DLGAP1: variants seen among roughly 807,000 people sequenced by gnomAD.
The protein encoded by DLGAP1 is DLG associated protein 1.
A neutral mutation model predicts 90.8 loss-of-function variants in DLGAP1; 11 were observed. The observed-to-expected ratio is 0.12, with a 90% CI of 0.08 to 0.20. The LOEUF is 0.20. DLGAP1 is among the 10% of genes least tolerant of loss of function. The probability of loss-of-function intolerance (pLI) is 1.00; values close to 1 mark genes in which losing one functional copy is unlikely to be tolerated. For synonymous variants in DLGAP1, 558 were observed against 540.7 expected, an observed-to-expected ratio of 1.03 and a Z score of -0.44; for missense variants, 1,050 against 1,333.8, an observed-to-expected ratio of 0.79 and a Z score of 3.31.
intron 7 of DLGAP1, chr18:3,654,566 A>G (rs1321397384): frequency 6.6e-6 from 1 of 152,240 alleles, no homozygotes; most frequent in Non-Finnish European, 1.5e-5. Flanking sequence ...AACGGCCCAG[A>G]GTGAACCAAC....
chr18:4,099,288 CTGTCTATCATCT>C (rs1435311620), intron 2 of DLGAP1, among the ~76,000 whole-genome samples: 1 of 150,958 alleles, frequency 6.6e-6, no homozygotes, highest in Non-Finnish European at 1.5e-5. Flanking sequence ...ATCTATCTAT[CTGTCTATCATCT>C]ATCTATCTAT....
chr18:4,116,306 T>C (rs1166684763), intron 2 of DLGAP1, among the ~76,000 whole-genome samples: 1 of 152,244 alleles, frequency 6.6e-6, no homozygotes. Flanking sequence ...ATTTTGACTA[T>C]AATGTGTCCG....
chr18:3,839,544 A>C (rs889924829), intron 4 of DLGAP1, among the ~76,000 whole-genome samples: 8 of 152,162 alleles, frequency 5.3e-5, no homozygotes, highest in African/African-American at 1.9e-4. Flanking sequence ...CAGAAGTGGG[A>C]ACAGAAACAT....
At chr18:4,226,177 C>T (rs2078182738) in intron 1 of DLGAP1, among the ~76,000 whole-genome samples, 1 of 152,028 alleles carries the variant, frequency 6.6e-6, no homozygotes, top group East Asian at 1.9e-4. Context: ...AACCATTGAT[C>T]TTAGAATAGG....
chr18:3,892,482 T>C (rs1267640642), intron 3 of DLGAP1, among the ~76,000 whole-genome samples: 1 of 152,164 alleles, frequency 6.6e-6, no homozygotes. Context: ...ATACAAATTC[T>C]TATCCCTTCT....
chr18:3,797,936 A>G (rs962866907), intron 5 of DLGAP1, among the ~76,000 whole-genome samples: 7 of 152,192 alleles, frequency 4.6e-5, no homozygotes, highest in Non-Finnish European at 8.8e-5. Flanking sequence ...GTCATTGTGA[A>G]TAAGTCTCAA....
chr18:3,920,693 T>C (rs2072251434), intron 3 of DLGAP1, among the ~76,000 whole-genome samples: 1 of 152,160 alleles, frequency 6.6e-6, no homozygotes, highest in Non-Finnish European at 1.5e-5. Flanking sequence ...AAGGATACAC[T>C]TCAAGGTACC....
intron 1 of DLGAP1, among the ~76,000 whole-genome samples, chr18:4,335,050 G>T (rs1286788904): frequency 6.6e-6 from 1 of 151,812 alleles, no homozygotes; most frequent in African/African-American, 2.4e-5. Flanking sequence ...CAAATTCTTG[G>T]TTCAAGAATC....
At chr18:3,871,739 T>C (rs1161329088) in intron 4 of DLGAP1, among the ~76,000 whole-genome samples, 1 of 152,230 alleles carries the variant, frequency 6.6e-6, no homozygotes, top group Non-Finnish European at 1.5e-5. Flanking sequence ...ACCTCTTCCA[T>C]GGACTTTGTG....
At chr18:3,981,952 TTTATA>T (rs2073739986) in intron 3 of DLGAP1, among the ~76,000 whole-genome samples, 2 of 152,228 alleles carry the variant, frequency 1.3e-5, no homozygotes, top group Non-Finnish European at 2.9e-5. Flanking sequence ...TTGACTACTT[TTTATA>T]TTATATTATT....
At chr18:3,704,149 C>A (rs28714205) in intron 7 of DLGAP1, among the ~76,000 whole-genome samples, 5 of 152,218 alleles carry the variant, frequency 3.3e-5, no homozygotes, top group Non-Finnish European at 7.3e-5. Flanking sequence ...GGATGCTCTG[C>A]GGGGCCCACG....
intron 10 of DLGAP1, among the ~76,000 whole-genome samples, chr18:3,510,029 C>T (rs1181034213): frequency 6.6e-6 from 1 of 152,152 alleles, no homozygotes; most frequent in East Asian, 1.9e-4. Context: ...TTTCTTAGGC[C>T]TAAGTTTTTA....
chr18:4,412,042 T>C (rs143137329), intron 1 of DLGAP1, among the ~76,000 whole-genome samples: 2 of 152,262 alleles, frequency 1.3e-5, no homozygotes, highest in East Asian at 3.9e-4. Context: ...CGTCCTTATC[T>C]TGTAAGACTA....
At chr18:3,869,344 T>C (rs570684764) in intron 4 of DLGAP1, among the ~76,000 whole-genome samples, 7 of 152,252 alleles carry the variant, frequency 4.6e-5, no homozygotes, top group Middle Eastern at 3.4e-3. Context: ...GGAAGATCCC[T>C]TGAGGCCAAA....
intron 3 of DLGAP1, among the ~76,000 whole-genome samples, chr18:3,977,167 C>G (rs1349290150): frequency 6.6e-6 from 1 of 152,102 alleles, no homozygotes; most frequent in Non-Finnish European, 1.5e-5. Flanking sequence ...CTCTGCCTCC[C>G]AGGCTCAAGC....
At chr18:4,415,547 C>T (rs900917140) in intron 1 of DLGAP1, among the ~76,000 whole-genome samples, 2 of 152,136 alleles carry the variant, frequency 1.3e-5, no homozygotes, top group Admixed American at 6.5e-5. Flanking sequence ...ACAGTAGATT[C>T]AGCTCAAGTT....
intron 1 of DLGAP1, among the ~76,000 whole-genome samples, chr18:4,267,215 TA>T (rs2079150777): frequency 6.6e-6 from 1 of 151,850 alleles, no homozygotes; most frequent in Non-Finnish European, 1.5e-5. Flanking sequence ...TCTACCTATC[TA>T]ATGAGCCTAA....
intron 7 of DLGAP1, among the ~76,000 whole-genome samples, chr18:3,625,906 T>C (rs1470278924): frequency 1.3e-5 from 2 of 152,218 alleles, no homozygotes; most frequent in African/African-American, 4.8e-5. Context: ...TATGATCAAA[T>C]CTCTGTTCAT....
chr18:3,515,555 G>T (rs1599011511), intron 10 of DLGAP1, among the ~76,000 whole-genome samples: 1 of 151,920 alleles, frequency 6.6e-6, no homozygotes, highest in Non-Finnish European at 1.5e-5. Context: ...AAGATAGGAG[G>T]ATTGCTTGAG....
Sources: gnomAD v4.1 joint callset for allele counts (sites outside exome capture counted in the v4.1 genomes callset) on GRCh38, gnomAD v4.1.1 for gene constraint, MANE v1.5 for transcripts, NCBI Gene and HGNC (gene_info 2026-07-23, HGNC 2026-07-21) for gene names.